The following WBP4 variants were observed in gnomAD, a reference collection of about 807,000 sequenced individuals.
WBP4 encodes the protein WW domain-binding protein 4.
Under a neutral mutation model 55.4 loss-of-function variants are expected in WBP4, and 37 were observed. The ratio of observed to expected loss-of-function variants is 0.67; its 90% confidence interval spans 0.51 to 0.88. The LOEUF (loss-of-function observed/expected upper bound fraction) is 0.88. Ranked by LOEUF, WBP4 falls within the 40% of genes least tolerant of loss-of-function variation. WBP4 has a pLI of 0.00. For missense variants in WBP4, 398 were observed against 420.8 expected, an observed-to-expected ratio of 0.95 and a Z score of 0.47; for synonymous variants, 142 against 140.2, an observed-to-expected ratio of 1.01 and a Z score of -0.09.
rs1489026829 is a variant in WBP4 at position 41,065,045 on chromosome 13, T to A, written c.105T>A (p.Asn35Lys). ...PSVEFHERGK[N>K]HKENVAKRIS... The stretch of plus-strand genomic sequence containing the variant: ...TTGAATTTCATGAAAGAGGAAAGAA[T>A]CATAAGGAAAATGTGGCAAAAAGGA... Residue 35 changes from asparagine (N) to lysine (K), a missense_variant, in exon 3 of 10, where the codon AAT becomes AAA. Transcript: ENST00000379487. 1.3e-6 allele frequency: 2 copies of A among 1,593,832 alleles called. No individual in the cohort carries two copies. Among genetic ancestry groups the A allele is most frequent in the Non-Finnish European group, 1.7e-6 (2 of 1,174,944 alleles).
chr13:41,063,642 T>C (rs565368033), intron 2 of WBP4, among the ~76,000 whole-genome samples: 1 of 152,312 alleles, frequency 6.6e-6, no homozygotes, highest in South Asian at 2.1e-4. Context: ...GTGAGTTATC[T>C]AGAGTAAGTA....
At chr13:41,061,769 G>T (rs1233047161) in intron 1 of WBP4, 94 bp downstream of exon 1, 38 of 1,586,606 alleles carry the variant, frequency 2.4e-5, no homozygotes, top group Non-Finnish European at 3.3e-5. Flanking sequence ...CCCGCCCTTC[G>T]GCCGGGGGCG....
rs116471323 is a variant in WBP4, at chr13:41,071,314, C to A, written c.440-213C>A. 1.5e-3 allele frequency among the ~76,000 whole-genome samples: 233 copies of A among 152,312 alleles called. 1 individual carries two copies. Among genetic ancestry groups the A allele is most frequent in the African/African-American group, 5.4e-3 (226 of 41,566 alleles). On this transcript the variant is annotated intron_variant, in intron 5 of 9. Transcript: ENST00000379487. ...TGTGGAAGTTCCAGTAACTTCTAAT[C>A]CCTCGTTCTGTCCTTTCTTCTTGGT...
At chr13:41,081,990 C>G (rs1480210042) in intron 9 of WBP4, among the ~76,000 whole-genome samples, 1 of 152,162 alleles carries the variant, frequency 6.6e-6, no homozygotes, top group African/African-American at 2.4e-5. Flanking sequence ...CTAATTTACT[C>G]TTTCACAGAC....
Position 41,065,016 on chromosome 13 carries a change from AGT to A in WBP4, c.79_80del (p.Val27Ter), listed in dbSNP as rs776316232. ...GTTATTTTCTCTTTTCATTTTCAAGAGTGTTGAATTTCATGAAAGAGGAAAGA... is the reference window on the plus strand; with the variant it reads ...GTTATTTTCTCTTTTCATTTTCAAGAGTTGAATTTCATGAAAGAGGAAAGA... Reference protein sequence around the residue: ...CKCWIADNRPSVEFHERGKNH... With the variant: ...CKCWIADNRPXVEFHERGKNH... On this transcript the variant is annotated frameshift_variant and splice_region_variant, in exon 3 of 10. Transcript: ENST00000379487. LOFTEE classifies it high-confidence loss of function. 3 of 1,569,094 alleles carry A rather than the reference AGT, an allele frequency of 1.9e-6. No individual in the cohort carries two copies. The highest frequency in any genetic ancestry group is 2.1e-5 in the Admixed American group (1 of 47,438).
At position 41,082,923 on chromosome 13, in the gene WBP4, GA is replaced by G; in HGVS notation, c.*10del. 6.2e-7 allele frequency: 1 copy of G among 1,613,502 alleles called. No individual in the cohort carries two copies. Among genetic ancestry groups the G allele is most frequent in the Non-Finnish European group, 8.5e-7 (1 of 1,179,750 alleles). On this transcript the variant is annotated 3_prime_UTR_variant, in exon 10 of 10. Coordinates refer to ENST00000379487, the MANE Select transcript of WBP4 (RefSeq NM_007187.5). ...GAGGTGATGATCAATAGTTGCAGGA[GA>G]GCTTTTTGTACATGCTTTTAGGACA...
Position 41,064,890 on chromosome 13 carries a change from G to T in WBP4, c.76-126G>T, listed in dbSNP as rs945593151. 28 of 898,612 alleles carry T rather than the reference G, an allele frequency of 3.1e-5. No individual in the cohort carries two copies. In the Admixed American group the frequency reaches 9.2e-4, roughly 30 times the overall value. 55.7% of individuals were successfully genotyped at this position (898,612 alleles called of 1,614,324 possible). A position where few individuals can be genotyped will look rare whatever the true frequency, so the allele number is the denominator to read the frequency against. ...AAGGGCCAATTTGCATTAAATTAATGTTTTCATCTTTTCTGCCATTCATTT... is the reference window on the plus strand; with the variant it reads ...AAGGGCCAATTTGCATTAAATTAATTTTTTCATCTTTTCTGCCATTCATTT... On this transcript the variant is annotated intron_variant, in intron 2 of 9. Transcript: ENST00000379487.
intron 7 of WBP4, among the ~76,000 whole-genome samples, chr13:41,074,598 A>G (rs1878395572): frequency 6.6e-6 from 1 of 152,100 alleles, no homozygotes; most frequent in African/African-American, 2.4e-5. Context: ...GCCTATAGTC[A>G]CTCTTCAGTG....
At chr13:41,075,590 G>A (rs1054679683) in intron 7 of WBP4, among the ~76,000 whole-genome samples, 5 of 152,012 alleles carry the variant, frequency 3.3e-5, no homozygotes, top group South Asian at 4.1e-4. Flanking sequence ...TATGTTGCCC[G>A]GGCTGGTCTC....
rs771913126 is a variant in WBP4 at position 41,072,849 on chromosome 13, A to G, written c.554A>G (p.Glu185Gly). 10 of 1,611,744 alleles carry G rather than the reference A, an allele frequency of 6.2e-6. No individual in the cohort carries two copies. In the Admixed American group the frequency reaches 1.5e-4, roughly 24 times the overall value. ...GGTTTTACCTATTACTATAATACAGAAACAGGAGGTAAGTATTACCTTTGA... is the reference window on the plus strand; with the variant it reads ...GGTTTTACCTATTACTATAATACAGGAACAGGAGGTAAGTATTACCTTTGA... ...EDGFTYYYNT[E>G]TGESRWEKPD... Residue 185 changes from glutamate (E) to glycine (G), a missense_variant, in exon 7 of 10, where the codon GAA becomes GGA. Transcript: ENST00000379487.
intron 8 of WBP4, among the ~76,000 whole-genome samples, chr13:41,076,572 C>T (rs1476022627): frequency 2.0e-5 from 3 of 152,220 alleles, no homozygotes; most frequent in South Asian, 2.1e-4. Flanking sequence ...TGCGTCACCA[C>T]GCCCAGCTGA....
Position 41,068,687 on chromosome 13 carries a change from A to G in WBP4, c.389A>G (p.Glu130Gly). The G allele has an allele frequency of 5.6e-6, 9 of 1,613,332 alleles. No individual in the cohort carries two copies. The highest frequency in any genetic ancestry group is 7.6e-6 in the Non-Finnish European group (9 of 1,179,758). Residue 130 changes from glutamate to glycine, a missense_variant, in exon 5 of 10, where the codon GAA becomes GGA. Glu to Gly is a moderately conservative substitution (Grantham distance 98, BLOSUM62 -2). Coordinates refer to ENST00000379487, the MANE Select transcript of WBP4 (RefSeq NM_007187.5). ...GATCCTTCAAAGGGCAGATGGGTAG[A>G]AGGCATAACCTCTGAGGGTTACCAT... ...KKDPSKGRWV[E>G]GITSEGYHYY...
intron 4 of WBP4, 98 bp downstream of exon 4, chr13:41,065,385 A>T: frequency 3.5e-6 from 5 of 1,432,934 alleles, no homozygotes; most frequent in Non-Finnish European, 4.6e-6. Context: ...AAGAGGTTAT[A>T]AACTCAGTGT....
intron 2 of WBP4, among the ~76,000 whole-genome samples, chr13:41,064,302 A>G (rs1020337945): frequency 2.6e-5 from 4 of 152,166 alleles, no homozygotes; most frequent in African/African-American, 9.6e-5. Flanking sequence ...TCAGTCCCTT[A>G]GAGATGGATA....
At chr13:41,070,260 A>G (rs891653270) in intron 5 of WBP4, among the ~76,000 whole-genome samples, 3 of 152,244 alleles carry the variant, frequency 2.0e-5, no homozygotes, top group African/African-American at 7.2e-5. Context: ...CTTACTCACC[A>G]TTGTATTCCT....
At chr13:41,072,167 C>T (rs1328347004) in intron 6 of WBP4, among the ~76,000 whole-genome samples, 1 of 151,958 alleles carries the variant, frequency 6.6e-6, no homozygotes, top group East Asian at 1.9e-4. Context: ...GGAATTGTTC[C>T]TGGCTTTCAA....
intron 2 of WBP4, among the ~76,000 whole-genome samples, chr13:41,064,242 T>G (rs1046664067): frequency 2.0e-5 from 3 of 152,132 alleles, no homozygotes; most frequent in Admixed American, 6.5e-5. Context: ...ATAAAGAGCT[T>G]CTTTCTCTCT....
At chr13:41,079,922 A>G (rs1385807194) in intron 8 of WBP4, among the ~76,000 whole-genome samples, 3 of 152,236 alleles carry the variant, frequency 2.0e-5, no homozygotes, top group Admixed American at 1.3e-4. Context: ...TTTTGCAGCT[A>G]TGTGAATGGA....
rs1348234946 is a variant in WBP4, at chr13:41,082,744, T to C, written c.961T>C (p.Tyr321His). 6.2e-7 allele frequency: 1 copy of C among 1,613,916 alleles called. No individual in the cohort carries two copies. Among genetic ancestry groups the C allele is most frequent in the South Asian group, 1.1e-5 (1 of 91,080 alleles). Residue 321 changes from tyrosine (Y) to histidine (H), a missense_variant, in exon 10 of 10, where the codon TAT becomes CAT. Transcript: ENST00000379487. ...GGAACTTCCAAGCACTGAAAATGAG[T>C]ATGTATCAACTTCAGAAGCTGATGG... is the stretch of plus-strand genomic sequence containing the variant. The part of the protein sequence containing the change: ...DLELPSTENE[Y>H]VSTSEADGGG...
Sources: gnomAD v4.1 joint callset for allele counts (sites outside exome capture counted in the v4.1 genomes callset) on GRCh38, gnomAD v4.1.1 for gene constraint, MANE v1.5 for transcripts, NCBI Gene and HGNC (gene_info 2026-07-23, HGNC 2026-07-21) for gene names.